The following TMEM71 variants were observed in gnomAD, a reference collection of about 807,000 sequenced individuals.
TMEM71 encodes transmembrane protein 71.
A neutral mutation model predicts 38.0 loss-of-function variants in TMEM71; 44 were observed. That is an observed-to-expected ratio of 1.16 (90% CI 0.91 to 1.49). The LOEUF (loss-of-function observed/expected upper bound fraction) is 1.49. Among genes scored for constraint, TMEM71 ranks in the 40% most tolerant of loss-of-function variants. The pLI is 0.00. For missense variants in TMEM71, 367 were observed against 348.6 expected, an observed-to-expected ratio of 1.05 and a Z score of -0.42; for synonymous variants, 133 against 122.5, an observed-to-expected ratio of 1.09 and a Z score of -0.56.
At chr8:132,725,879 G>C (rs1035046339) in intron 6 of TMEM71, among the ~76,000 whole-genome samples, 43 of 152,162 alleles carry the variant, frequency 2.8e-4, no homozygotes, top group African/African-American at 8.9e-4. Flanking sequence ...ACCCAGCAAA[G>C]AGCTTATATT....
chr8:132,736,294 A>G (rs1051980572), intron 5 of TMEM71, among the ~76,000 whole-genome samples: 2 of 152,160 alleles, frequency 1.3e-5, no homozygotes, highest in Non-Finnish European at 2.9e-5. Context: ...ACAGGGGAGA[A>G]TCAATGGATG....
the TMEM71 span, among the ~76,000 whole-genome samples, chr8:132,766,506 A>C: frequency 2.6e-5 from 4 of 152,138 alleles, no homozygotes; most frequent in Non-Finnish European, 5.9e-5. Context: ...TTTAAAAAAA[A>C]ATGCTGTATT....
chr8:132,756,520 A>G (rs1829030180), intron 3 of TMEM71, among the ~76,000 whole-genome samples: 1 of 147,872 alleles, frequency 6.8e-6, no homozygotes, highest in Admixed American at 6.8e-5. Flanking sequence ...ACTAGATGAT[A>G]GCTAAAATAA....
chr8:132,711,618 C>G (rs1354377215), intron 9 of TMEM71, among the ~76,000 whole-genome samples: 1 of 152,154 alleles, frequency 6.6e-6, no homozygotes, highest in East Asian at 1.9e-4. Flanking sequence ...CACATCATTA[C>G]TAACATGAGA....
chr8:132,759,028 A>G (rs978996386), intron 1 of TMEM71, 113 bp from the exon 2 acceptor site: 14 of 660,692 alleles, frequency 2.1e-5, no homozygotes, highest in Non-Finnish European at 3.2e-5. Context: ...GAAATAATAC[A>G]GAGATACAGA....
chr8:132,732,792 C>A (rs958086513), intron 5 of TMEM71, among the ~76,000 whole-genome samples: 43 of 152,124 alleles, frequency 2.8e-4, no homozygotes, highest in African/African-American at 1.0e-3. Flanking sequence ...TACGTTGTCA[C>A]AACTTGGAGT....
At position 132,711,062 on chromosome 8, in the gene TMEM71, A is replaced by G. The variant is rs562749486; in HGVS notation, c.873-80T>C. ...TGCAGTATCTAATCACTGCATACCC[A>G]TTTGCGCATATATAAGCACACACCC... On this transcript the variant is annotated intron_variant, in intron 9 of 9. Transcript: ENST00000677595. The G allele has an allele frequency of 3.0e-4, 399 of 1,333,236 alleles. 6 individuals carry two copies. The South Asian group carries it at 4.7e-3, about 16-fold the overall frequency. The allele number at this position is 1,333,236 out of a possible 1,614,324, so 82.6% of individuals were successfully genotyped here. A position where few individuals can be genotyped will look rare whatever the true frequency, so the allele number is the denominator to read the frequency against.
chr8:132,712,188 G>A (rs1319020023), intron 9 of TMEM71, among the ~76,000 whole-genome samples: 2 of 152,132 alleles, frequency 1.3e-5, no homozygotes, highest in African/African-American at 4.8e-5. Context: ...ATGCAAATGT[G>A]TGTGTATATG....
At chr8:132,773,422 A>G in the TMEM71 span, among the ~76,000 whole-genome samples, 4 of 152,252 alleles carry the variant, frequency 2.6e-5, no homozygotes, top group East Asian at 5.8e-4. Flanking sequence ...AAATGGAACA[A>G]TCATCTTTCC....
rs577165108 is a variant in TMEM71, at chr8:132,742,113, C to G, written c.487+4829G>C. Among the ~76,000 whole-genome samples, 18 of 152,272 alleles carry G rather than the reference C, an allele frequency of 1.2e-4. 1 individual carries two copies. In the East Asian group the frequency reaches 3.5e-3, roughly 29 times the overall value. On this transcript the variant is annotated intron_variant, in intron 5 of 9. Transcript: ENST00000677595. Reference sequence around the variant, plus strand: ...CTATCTCTGTATGGCCTGGTTTTTCCTAGGTTATGACTATAGAGCAAGGAT... The same window carrying G: ...CTATCTCTGTATGGCCTGGTTTTTCGTAGGTTATGACTATAGAGCAAGGAT...
chr8:132,752,496 C>A lies in TMEM71; in HGVS notation c.102-499G>T, dbSNP rs1369019474. ...CAGGCTGGCTGTACAAATGGGCACA[C>A]AGTTACCTTCCCTGATTTGGTATCC... is the stretch of plus-strand genomic sequence containing the variant. On this transcript the variant is annotated intron_variant, in intron 3 of 9. Coordinates refer to ENST00000677595, the MANE Select transcript of TMEM71 (RefSeq NM_001382403.1). Among the ~76,000 whole-genome samples the A allele has an allele frequency of 3.3e-5, 5 of 152,274 alleles. No homozygotes were observed. The East Asian group carries it at 5.8e-4, about 18-fold the overall frequency.
At position 132,721,273 on chromosome 8, in the gene TMEM71, C is replaced by T. The variant is rs570218934; in HGVS notation, c.752+767G>A. Reference sequence around the variant, plus strand: ...CAAGGCAGAGGAAGAACATACAGGTCAGAGGGTAGAGAACAAACATACCTA... The same window carrying T: ...CAAGGCAGAGGAAGAACATACAGGTTAGAGGGTAGAGAACAAACATACCTA... On this transcript the variant is annotated intron_variant, in intron 7 of 9. Transcript: ENST00000677595. 1.0e-3 allele frequency among the ~76,000 whole-genome samples: 152 copies of T among 152,242 alleles called. 6 individuals are homozygous for T. In the South Asian group the frequency reaches 0.03, roughly 30 times the overall value.
upstream of TMEM71, among the ~76,000 whole-genome samples, chr8:132,763,539 G>A (rs1021621522): frequency 7.2e-5 from 11 of 152,166 alleles, no homozygotes; most frequent in Non-Finnish European, 2.9e-5. Context: ...AAGACGAGTG[G>A]CAAATTTCAG....
upstream of TMEM71, among the ~76,000 whole-genome samples, chr8:132,762,001 A>T (rs1829305091): frequency 6.6e-6 from 1 of 152,224 alleles, no homozygotes; most frequent in African/African-American, 2.4e-5. Context: ...AAGACCCAGA[A>T]GCAGACAACC....
chr8:132,752,529 G>C (rs531226039), intron 3 of TMEM71, among the ~76,000 whole-genome samples: 1 of 152,240 alleles, frequency 6.6e-6, no homozygotes, highest in Non-Finnish European at 1.5e-5. Context: ...TCCAGGGAAG[G>C]CCCATAATTC....
intron 2 of TMEM71, chr8:132,758,392 G>A (rs1829148947): frequency 6.0e-6 from 1 of 165,864 alleles, no homozygotes; most frequent in African/African-American, 2.4e-5. Flanking sequence ...TGATTTGTAG[G>A]GAGAAAACTG....
At position 132,751,975 on chromosome 8, in the gene TMEM71, C is replaced by T; in HGVS notation, c.124G>A (p.Gly42Ser). 1 of 1,614,068 alleles carries T rather than the reference C, an allele frequency of 6.2e-7. No individual in the cohort carries two copies. The highest frequency in any genetic ancestry group is 1.3e-5 in the African/African-American group (1 of 75,030). ...FPSFTCDSLD[G>S]YHSFECGSID... ...GAGCCGCATTCAAAAGAATGGTAACCATCCAGGGAATCACAGGTGAAACTA... is the reference window on the plus strand; with the variant it reads ...GAGCCGCATTCAAAAGAATGGTAACTATCCAGGGAATCACAGGTGAAACTA... Residue 42 changes from glycine to serine, a missense_variant, in exon 4 of 10, where the codon GGT (glycine) becomes AGT (serine). Transcript: ENST00000677595.
chr8:132,739,631 C>T (rs1249943762), intron 5 of TMEM71, among the ~76,000 whole-genome samples: 1 of 152,006 alleles, frequency 6.6e-6, no homozygotes, highest in East Asian at 1.9e-4. Flanking sequence ...TGTTTATAAG[C>T]TAAATTAACT....
intron 3 of TMEM71, among the ~76,000 whole-genome samples, chr8:132,756,411 T>TATTATATATATA (rs1554619985): frequency 1.9e-4 from 22 of 115,808 alleles, no homozygotes; most frequent in South Asian, 2.6e-4. Context: ...AACATATATA[T>TATTATATATATA]TATATATATA....
Sources: allele counts gnomAD v4.1 joint callset (sites outside exome capture counted in the v4.1 genomes callset), GRCh38; gene constraint gnomAD v4.1.1; transcripts MANE v1.5; gene names NCBI Gene and HGNC (gene_info 2026-07-23, HGNC 2026-07-21).